Variants in CHCHD6 observed in about 807,000 individuals in gnomAD.
CHCHD6 encodes coiled-coil-helix-coiled-coil-helix domain containing 6.
CHCHD6 carries 28 observed loss-of-function variants against 32.3 expected under a neutral mutation model. The ratio of observed to expected loss-of-function variants is 0.87; its 90% CI spans 0.64 to 1.19. CHCHD6 has a LOEUF of 1.19. Among genes scored for constraint, CHCHD6 ranks in the 50% most tolerant of loss-of-function variants. The pLI is 0.00. For synonymous variants in CHCHD6, 122 were observed against 117.5 expected (o/e 1.04, Z -0.25); for missense variants, 333 against 307.0 (o/e 1.08, Z -0.63).
At chr3:126,721,993 G>A (rs1935321234) in intron 1 of CHCHD6, among the ~76,000 whole-genome samples, 1 of 152,112 alleles carries the variant, frequency 6.6e-6, no homozygotes, top group African/African-American at 2.4e-5. Context: ...TCCATTCATT[G>A]GTTGATGAAC....
At chr3:126,767,688 T>C (rs1332931033) in intron 4 of CHCHD6, among the ~76,000 whole-genome samples, 2 of 152,216 alleles carry the variant, frequency 1.3e-5, no homozygotes, top group Non-Finnish European at 2.9e-5. Context: ...AATAATTTCA[T>C]CACCCAGATA....
rs117585655 is a variant in CHCHD6, at chr3:126,773,653, C to T, written c.411+40431C>T. ...AGACAGAGCGTCAGAGTCGCCTAGG[C>T]GAAGTGCAGTGGCACGATCTTGGCT... On this transcript the variant is annotated intron_variant, in intron 4 of 7. Coordinates refer to ENST00000290913, the MANE Select transcript of CHCHD6 (RefSeq NM_032343.3). Among the ~76,000 whole-genome samples, 70 of 136,580 alleles carry T rather than the reference C, an allele frequency of 5.1e-4. No homozygotes were observed. The East Asian group carries it at 0.014, about 27-fold the overall frequency. The allele number at this position is 136,580 out of a possible 152,430, so 89.6% of individuals were successfully genotyped here. A position where few individuals can be genotyped will look rare whatever the true frequency, so the allele number is the denominator to read the frequency against.
chr3:126,745,275 C>T (rs1936449505), intron 4 of CHCHD6, among the ~76,000 whole-genome samples: 2 of 152,152 alleles, frequency 1.3e-5, no homozygotes, highest in South Asian at 2.1e-4. Flanking sequence ...TTAGCGAAGC[C>T]CAGCGTCCGG....
At chr3:126,743,317 G>A (rs1454079974) in intron 4 of CHCHD6, among the ~76,000 whole-genome samples, 1 of 152,166 alleles carries the variant, frequency 6.6e-6, no homozygotes, top group Non-Finnish European at 1.5e-5. Context: ...GGCTTATTTG[G>A]ATTTTGTGGA....
chr3:126,853,853 A>C (rs1941561387), intron 5 of CHCHD6, among the ~76,000 whole-genome samples: 1 of 152,162 alleles, frequency 6.6e-6, no homozygotes, highest in Non-Finnish European at 1.5e-5. Flanking sequence ...TTGTGATTTG[A>C]GATCCCAGAA....
At chr3:126,892,958 T>TG (rs757031344) in intron 5 of CHCHD6, among the ~76,000 whole-genome samples, 17 of 134,368 alleles carry the variant, frequency 1.3e-4, no homozygotes, top group East Asian at 1.9e-4. Flanking sequence ...TTGTTGTTGT[T>TG]TTGTTTTGTT....
rs185987872 is a variant in CHCHD6 at position 126,878,438 on chromosome 3, C to T, written c.495+25708C>T. ...AGAATGATGGCAGTATGTGAGTCCA[C>T]GTACCACTGAGGATCCAGCCTGAAA... On this transcript the variant is annotated intron_variant, in intron 5 of 7. Transcript: ENST00000290913. 6.7e-3 allele frequency among the ~76,000 whole-genome samples: 1,017 copies of T among 152,290 alleles called. 10 individuals are homozygous for T. The highest frequency in any genetic ancestry group is 0.023 in the African/African-American group (959 of 41,556).
chr3:126,831,858 G>C (rs982749338), intron 4 of CHCHD6, among the ~76,000 whole-genome samples: 3 of 152,202 alleles, frequency 2.0e-5, no homozygotes, highest in African/African-American at 7.2e-5. Context: ...TTGGTCTCAG[G>C]TGAGCAGTGA....
chr3:126,765,253 C>T (rs1012282059), intron 4 of CHCHD6, among the ~76,000 whole-genome samples: 4 of 152,192 alleles, frequency 2.6e-5, no homozygotes, highest in African/African-American at 9.7e-5. Flanking sequence ...TATTTTAAAG[C>T]ACCCAAACCA....
intron 4 of CHCHD6, among the ~76,000 whole-genome samples, chr3:126,782,952 T>A (rs1168409783): frequency 6.6e-6 from 1 of 152,184 alleles, no homozygotes; most frequent in African/African-American, 2.4e-5. Context: ...CTTTTGCATA[T>A]GGCTGGTCAG....
chr3:126,844,550 G>A (rs1037957505), intron 4 of CHCHD6, among the ~76,000 whole-genome samples: 1 of 152,066 alleles, frequency 6.6e-6, no homozygotes, highest in African/African-American at 2.4e-5. Flanking sequence ...CTTAGCATTT[G>A]CACAATATAT....
intron 4 of CHCHD6, among the ~76,000 whole-genome samples, chr3:126,811,980 A>G (rs1489940203): frequency 2.0e-5 from 3 of 152,146 alleles, no homozygotes; most frequent in Admixed American, 6.5e-5. Flanking sequence ...ATGAATTTCC[A>G]TCTCTACCAT....
chr3:126,910,573 C>T (rs894001876), intron 5 of CHCHD6, among the ~76,000 whole-genome samples: 1 of 152,230 alleles, frequency 6.6e-6, no homozygotes, highest in Non-Finnish European at 1.5e-5. Context: ...TGGATACACC[C>T]TTTGACCCAA....
intron 5 of CHCHD6, among the ~76,000 whole-genome samples, chr3:126,906,361 T>C (rs2078005698): frequency 6.6e-6 from 1 of 152,248 alleles, no homozygotes; most frequent in Non-Finnish European, 1.5e-5. Context: ...CCAGCAGTCC[T>C]TCCAGAATGG....
intron 4 of CHCHD6, among the ~76,000 whole-genome samples, chr3:126,844,573 T>C (rs151000022): frequency 5.3e-4 from 80 of 152,354 alleles, no homozygotes; most frequent in African/African-American, 1.9e-3. Context: ...TTTTCCTTTT[T>C]TCCCCAAATT....
chr3:126,887,424 T>C (rs1401218839), intron 5 of CHCHD6, among the ~76,000 whole-genome samples: 1 of 152,192 alleles, frequency 6.6e-6, no homozygotes, highest in Admixed American at 6.5e-5. Flanking sequence ...AGTGCCATTG[T>C]TTCTATCAGC....
intron 5 of CHCHD6, among the ~76,000 whole-genome samples, chr3:126,855,669 G>A (rs1290513055): frequency 6.6e-6 from 1 of 152,138 alleles, no homozygotes; most frequent in Non-Finnish European, 1.5e-5. Flanking sequence ...TATCCACTGG[G>A]CTGGGGCCAT....
chr3:126,807,995 T>G (rs1422396512), intron 4 of CHCHD6, among the ~76,000 whole-genome samples: 1 of 152,234 alleles, frequency 6.6e-6, no homozygotes, highest in Non-Finnish European at 1.5e-5. Flanking sequence ...GGTCAGGCCC[T>G]GTGTTTCCTG....
Position 126,829,870 on chromosome 3 carries a change from G to T in CHCHD6, c.412-22777G>T, listed in dbSNP as rs1940562997. On this transcript the variant is annotated intron_variant, in intron 4 of 7. Transcript: ENST00000290913. ...CCCAGCACTTTGGGAGGCCAAGGCAGGTGGATCACCTGAGGTCAGGAGTTC... is the reference window on the plus strand; with the variant it reads ...CCCAGCACTTTGGGAGGCCAAGGCATGTGGATCACCTGAGGTCAGGAGTTC... Among the ~76,000 whole-genome samples, 3 of 152,104 alleles carry T rather than the reference G, an allele frequency of 2.0e-5. No individual in the cohort carries two copies. In the South Asian group the frequency reaches 6.2e-4, roughly 32 times the overall value.
Sources: gnomAD v4.1 joint callset for allele counts (sites outside exome capture counted in the v4.1 genomes callset) on GRCh38, gnomAD v4.1.1 for gene constraint, MANE v1.5 for transcripts, NCBI Gene and HGNC (gene_info 2026-07-23, HGNC 2026-07-21) for gene names.